BRD10: variants seen among roughly 807,000 people sequenced by gnomAD.
The protein encoded by BRD10 is bromodomain containing 10.
chr9:5,886,042 G>A, the BRD10 span, among the ~76,000 whole-genome samples: 4 of 152,214 alleles, frequency 2.6e-5, no homozygotes, highest in Non-Finnish European at 4.4e-5. Flanking sequence ...TGGACGCATG[G>A]CTAGCGGGGA....
At chr9:5,891,147 GA>G in the BRD10 span, 1 of 152,166 alleles carries the variant, frequency 6.6e-6, no homozygotes, top group Non-Finnish European at 1.5e-5. Context: ...CTACCAAGAA[GA>G]AAAGCAATTA....
At chr9:5,993,608 A>G in the BRD10 span, among the ~76,000 whole-genome samples, 2 of 152,198 alleles carry the variant, frequency 1.3e-5, no homozygotes, top group African/African-American at 4.8e-5. Flanking sequence ...TGGAACCCAG[A>G]GAGCGGTGAC....
At chr9:5,937,057 C>T in the BRD10 span, among the ~76,000 whole-genome samples, 1 of 151,376 alleles carries the variant, frequency 6.6e-6, no homozygotes, top group Non-Finnish European at 1.5e-5. Flanking sequence ...TAGTGAACCC[C>T]TGTCTCTATT....
chr9:5,991,154 T>C, the BRD10 span, among the ~76,000 whole-genome samples: 1 of 128,958 alleles, frequency 7.8e-6, no homozygotes, highest in South Asian at 2.7e-4. Flanking sequence ...ATTATATATG[T>C]GCATGTGTGT....
chr9:5,996,861 T>C, the BRD10 span, among the ~76,000 whole-genome samples: 2 of 152,182 alleles, frequency 1.3e-5, no homozygotes, highest in African/African-American at 2.4e-5. Flanking sequence ...GAGTTCTCAA[T>C]GCAGGCAGAA....
chr9:5,952,046 G>C, the BRD10 span, among the ~76,000 whole-genome samples: 1 of 119,680 alleles, frequency 8.4e-6, no homozygotes, highest in African/African-American at 2.9e-5. Context: ...TTTAGAGACA[G>C]AGTTTCCCTC....
chr9:5,984,365 G>T, the BRD10 span, among the ~76,000 whole-genome samples: 1 of 152,106 alleles, frequency 6.6e-6, no homozygotes, highest in South Asian at 2.1e-4. Flanking sequence ...CTGTCAAGTG[G>T]TACAGCATTA....
the BRD10 span, chr9:5,910,085 G>C: frequency 2.6e-5 from 4 of 152,292 alleles, no homozygotes; most frequent in Admixed American, 2.6e-4. Context: ...ATGAACCTGA[G>C]ACCTGCTCTC....
the BRD10 span, among the ~76,000 whole-genome samples, chr9:5,939,826 C>G: frequency 6.6e-6 from 1 of 152,172 alleles, no homozygotes; most frequent in Non-Finnish European, 1.5e-5. Flanking sequence ...TGTTCAGCAG[C>G]AACATTGGTT....
chr9:5,947,587 T>G, the BRD10 span, among the ~76,000 whole-genome samples: 3 of 152,192 alleles, frequency 2.0e-5, no homozygotes, highest in Admixed American at 6.5e-5. Context: ...CTAATATATA[T>G]TCCCTCTATA....
chr9:5,938,147 G>A, the BRD10 span, among the ~76,000 whole-genome samples: 10 of 152,096 alleles, frequency 6.6e-5, no homozygotes, highest in African/African-American at 2.4e-4. Flanking sequence ...TTTATAAAAG[G>A]ACAGGGGCTA....
the BRD10 span, chr9:5,892,609 G>A: frequency 1.2e-5 from 17 of 1,445,440 alleles, no homozygotes; most frequent in African/African-American, 2.3e-4. Flanking sequence ...GACACAGCCT[G>A]CTGACTTCCA....
chr9:5,884,772 T>C, the BRD10 span, among the ~76,000 whole-genome samples: 2 of 152,240 alleles, frequency 1.3e-5, no homozygotes, highest in African/African-American at 4.8e-5. Flanking sequence ...AATCCGTTCC[T>C]GTAATCTCAA....
At chr9:5,951,668 T>C in the BRD10 span, among the ~76,000 whole-genome samples, 2 of 152,312 alleles carry the variant, frequency 1.3e-5, no homozygotes, top group South Asian at 2.1e-4. Flanking sequence ...TATTATATAA[T>C]AGTCTTCTTA....
the BRD10 span, among the ~76,000 whole-genome samples, chr9:5,990,403 G>T: frequency 4.6e-5 from 7 of 152,280 alleles, no homozygotes; most frequent in East Asian, 9.6e-4. Flanking sequence ...GTAGAGCATT[G>T]AGGATAAAAA....
the BRD10 span, among the ~76,000 whole-genome samples, chr9:5,941,455 G>A: frequency 6.6e-6 from 1 of 152,130 alleles, no homozygotes; most frequent in Non-Finnish European, 1.5e-5. Flanking sequence ...ATCTCAACCA[G>A]AGGTCTCACT....
At chr9:5,944,252 A>G in the BRD10 span, among the ~76,000 whole-genome samples, 2 of 152,178 alleles carry the variant, frequency 1.3e-5, no homozygotes, top group Non-Finnish European at 2.9e-5. Flanking sequence ...GATTTAATAA[A>G]TAGCACAATT....
the BRD10 span, among the ~76,000 whole-genome samples, chr9:5,927,006 C>T: frequency 6.6e-6 from 1 of 152,046 alleles, no homozygotes; most frequent in Admixed American, 6.5e-5. Flanking sequence ...TTTATGGAAG[C>T]ACATGAGGGC....
At chr9:5,907,701 C>G in the BRD10 span, among the ~76,000 whole-genome samples, 1 of 152,126 alleles carries the variant, frequency 6.6e-6, no homozygotes, top group African/African-American at 2.4e-5. Flanking sequence ...ACCTGTAATC[C>G]CAGCACTTCG....
Sources: allele counts gnomAD v4.1 joint callset (sites outside exome capture counted in the v4.1 genomes callset), GRCh38; gene constraint gnomAD v4.1.1; transcripts MANE v1.5; gene names NCBI Gene and HGNC (gene_info 2026-07-23, HGNC 2026-07-21).